The following CYSLTR1 variants were observed in gnomAD, a reference collection of about 807,000 sequenced individuals.
The protein encoded by CYSLTR1 is cysteinyl leukotriene receptor 1.
A neutral mutation model predicts 2.1 loss-of-function variants in CYSLTR1; 1 was observed. The observed-to-expected ratio is 0.48, with a 90% confidence interval of 0.17 to 2.28. The LOEUF is 2.28. CYSLTR1 is among the 30% of genes most tolerant of loss of function. The pLI is 0.26. For missense variants in CYSLTR1, 299 were observed against 250.1 expected, an observed-to-expected ratio of 1.20 and a Z score of -1.32; for synonymous variants, 110 against 89.6, an observed-to-expected ratio of 1.23 and a Z score of -1.28.
chrX:78,287,336 A>G lies in CYSLTR1; in HGVS notation c.-114-3796T>C, dbSNP rs182282458. Among the ~76,000 whole-genome samples the G allele has an allele frequency of 7.5e-4, 84 of 112,009 alleles. No individual in the cohort carries two copies. The East Asian group carries it at 0.023, about 30-fold the overall frequency. On this transcript the variant is annotated intron_variant, in intron 1 of 2. Coordinates refer to ENST00000373304, the MANE Select transcript of CYSLTR1 (RefSeq NM_006639.4). ...ATATGCAAAAGACCACATTTTGCTT[A>G]TTCCATTTATCTGAAATATCCCAAA...
At chrX:78,283,579 G>A (rs201873587) in intron 1 of CYSLTR1, 39 bp from the exon 2 acceptor site, 1 of 112,229 alleles carries the variant, frequency 8.9e-6, no homozygotes, top group Non-Finnish European at 1.9e-5. Flanking sequence ...AACAACTGTA[G>A]AAGCAGTCCA....
At chrX:78,292,726 C>T (rs1395577218) in intron 1 of CYSLTR1, among the ~76,000 whole-genome samples, 1 of 110,657 alleles carries the variant, frequency 9.0e-6, no homozygotes, top group African/African-American at 3.3e-5. Flanking sequence ...TATGTAATGG[C>T]CTTCTTTGTT....
chrX:78,299,129 TAAAC>T (rs953986745), intron 1 of CYSLTR1, among the ~76,000 whole-genome samples: 31 of 111,932 alleles, frequency 2.8e-4, no homozygotes, highest in South Asian at 1.5e-3. Context: ...ACTATTTGCA[TAAAC>T]AAACAAACGA....
intron 1 of CYSLTR1, among the ~76,000 whole-genome samples, chrX:78,298,725 G>A (rs1042602385): frequency 1.8e-5 from 2 of 111,350 alleles, no homozygotes; most frequent in African/African-American, 6.5e-5. Flanking sequence ...GGCATGGAAT[G>A]TCTTTTTTCC....
chrX:78,281,215 GT>G (rs1184181123), intron 2 of CYSLTR1, among the ~76,000 whole-genome samples: 34 of 101,924 alleles, frequency 3.3e-4, no homozygotes, highest in Middle Eastern at 5.0e-3. Flanking sequence ...GTGTATAAGT[GT>G]TTTTTTTTTC....
intron 1 of CYSLTR1, chrX:78,321,225 T>C (rs983886663): frequency 6.5e-5 from 7 of 107,294 alleles, no homozygotes; most frequent in Non-Finnish European, 1.3e-4. Flanking sequence ...AAAGTGATAG[T>C]AAAATGTGGA....
At chrX:78,306,943 C>A (rs1474362446) in intron 1 of CYSLTR1, among the ~76,000 whole-genome samples, 1 of 111,644 alleles carries the variant, frequency 9.0e-6, no homozygotes, top group Non-Finnish European at 1.9e-5. Flanking sequence ...CAGTGGTGAT[C>A]TGGGAGAAAA....
intron 2 of CYSLTR1, among the ~76,000 whole-genome samples, chrX:78,281,399 G>A (rs1265543352): frequency 1.5e-4 from 17 of 109,854 alleles, no homozygotes; most frequent in Admixed American, 1.4e-3. Flanking sequence ...CCCGAGTAAC[G>A]GATTACAGTT....
Position 78,323,279 on chromosome X carries a change from T to A in CYSLTR1, c.-115+4026A>T, listed in dbSNP as rs150924799. Among the ~76,000 whole-genome samples the A allele has an allele frequency of 2.4e-3, 266 of 112,231 alleles. 2 individuals carry two copies. Among genetic ancestry groups the A allele is most frequent in the Non-Finnish European group, 2.8e-3 (151 of 53,223 alleles). ...GGAATCCTCTGATGTTCTGAGGTCA[T>A]TGCTTACAGCTAACTCTGAGGCCTG... On this transcript the variant is annotated intron_variant, in intron 1 of 2. Transcript: ENST00000373304.
rs182583289 is a variant in CYSLTR1, at chrX:78,277,408, C to T, written c.-27-3635G>A. ...TCGGAGAGCTTTTGTAGATAGACTG[C>T]CACTAGCATGCAGTTGCCTGCAGCC... is the stretch of plus-strand genomic sequence containing the variant. On this transcript the variant is annotated intron_variant, in intron 2 of 2. Transcript: ENST00000373304. 6.2e-3 allele frequency among the ~76,000 whole-genome samples: 697 copies of T among 111,802 alleles called. 2 individuals are homozygous for T. The highest frequency in any genetic ancestry group is 0.01 in the Non-Finnish European group (549 of 53,120).
chrX:78,272,774 CCTT>C lies in CYSLTR1; in HGVS notation c.970_972del (p.Lys324del). On this transcript the variant is annotated inframe_deletion, in exon 3 of 3. Coordinates refer to ENST00000373304, the MANE Select transcript of CYSLTR1 (RefSeq NM_006639.4). ...TCTTCTCCTTTTTCTGGCAAAGAGG[CCTT>C]CTTTCTGGGTACATAAGTCACGCTG... 8.3e-7 allele frequency: 1 copy of C among 1,204,275 alleles called. No homozygotes were observed. The highest frequency in any genetic ancestry group is 1.1e-6 in the Non-Finnish European group (1 of 892,410).
Position 78,273,428 on chromosome X carries a change from G to C in CYSLTR1, c.319C>G (p.Leu107Val), listed in dbSNP as rs746286067. 13 of 1,211,430 alleles carry C rather than the reference G, an allele frequency of 1.1e-5. No homozygotes were observed. The highest frequency in any genetic ancestry group is 1.5e-5 in the Non-Finnish European group (13 of 895,305). Residue 107 changes from leucine (L) to valine (V), a missense_variant, in exon 3 of 3, where the codon CTC (leucine) becomes GTC (valine). Leu to Val is a conservative substitution (Grantham distance 32, BLOSUM62 1). Coordinates refer to ENST00000373304, the MANE Select transcript of CYSLTR1 (RefSeq NM_006639.4). ...GTCATAAAGAAGATGCTACAATAGAGGTTGACATACAAAGCATAGGTGCTG... is the reference window on the plus strand; with the variant it reads ...GTCATAAAGAAGATGCTACAATAGACGTTGACATACAAAGCATAGGTGCTG... The part of the protein sequence containing the change: ...RLSTYALYVN[L>V]YCSIFFMTAM...
At chrX:78,313,021 T>C (rs1419216952) in intron 1 of CYSLTR1, among the ~76,000 whole-genome samples, 3 of 111,982 alleles carry the variant, frequency 2.7e-5, no homozygotes, top group Non-Finnish European at 5.6e-5. Flanking sequence ...CACATATTCA[T>C]CAAACTGCTA....
At chrX:78,277,100 C>T (rs776225724) in intron 2 of CYSLTR1, among the ~76,000 whole-genome samples, 57 of 111,428 alleles carry the variant, frequency 5.1e-4, no homozygotes, top group South Asian at 3.8e-3. Context: ...GTATTTGGCA[C>T]CAGAATGACT....
At chrX:78,284,458 T>C (rs903632563) in intron 1 of CYSLTR1, among the ~76,000 whole-genome samples, 3 of 111,304 alleles carry the variant, frequency 2.7e-5, no homozygotes, top group Non-Finnish European at 5.7e-5. Flanking sequence ...TGGAGTGCAG[T>C]GGCGTGATCT....
intron 1 of CYSLTR1, chrX:78,321,132 A>G (rs1166123911): frequency 6.0e-5 from 5 of 83,546 alleles, no homozygotes; most frequent in Non-Finnish European, 1.2e-4. Context: ...CAGAGGAAGG[A>G]GCACGTGTGT....
chrX:78,286,952 A>G lies in CYSLTR1; in HGVS notation c.-114-3412T>C, dbSNP rs188811119. Among the ~76,000 whole-genome samples the G allele has an allele frequency of 4.5e-5, 5 of 111,377 alleles. No individual in the cohort carries two copies. In the East Asian group the frequency reaches 1.1e-3, roughly 25 times the overall value. ...CTTTTCATGTGCTTATTTGCCATAC[A>G]TATATTTCCCTTGGTGAAATGCTTA... On this transcript the variant is annotated intron_variant, in intron 1 of 2. Transcript: ENST00000373304.
chrX:78,322,461 A>G, intron 1 of CYSLTR1, among the ~76,000 whole-genome samples: 1 of 111,940 alleles, frequency 8.9e-6, no homozygotes, highest in Non-Finnish European at 1.9e-5. Context: ...CTCTTTGCAC[A>G]TAGGAAAATG....
intron 1 of CYSLTR1, among the ~76,000 whole-genome samples, chrX:78,299,196 C>A (rs1186584494): frequency 4.5e-5 from 5 of 111,669 alleles, no homozygotes; most frequent in Non-Finnish European, 3.8e-5. Context: ...TATCCCACAA[C>A]TTTTTAACAT....
Sources: gnomAD v4.1 joint callset for allele counts (sites outside exome capture counted in the v4.1 genomes callset) on GRCh38, gnomAD v4.1.1 for gene constraint, MANE v1.5 for transcripts, NCBI Gene and HGNC (gene_info 2026-07-23, HGNC 2026-07-21) for gene names.